NEK9: variants seen among roughly 807,000 people sequenced by gnomAD.
The protein encoded by NEK9 is NIMA related kinase 9, also known as serine/threonine-protein kinase Nek9.
In NEK9, 75 loss-of-function variants were observed where a neutral mutation model predicts 123.4. The observed-to-expected ratio is 0.61, with a 90% confidence interval of 0.50 to 0.74. The LOEUF (loss-of-function observed/expected upper bound fraction) is 0.74, where lower values mean the gene tolerates loss of function less well. Among genes scored for constraint, NEK9 ranks in the 30% least tolerant of loss-of-function variants. The pLI is 0.00. For synonymous variants in NEK9, 438 were observed against 458.7 expected (o/e 0.95, Z 0.58); for missense variants, 952 against 1,214.4 (o/e 0.78, Z 3.21).
intron 16 of NEK9, among the ~76,000 whole-genome samples, chr14:75,097,741 G>A (rs769021862): frequency 6.6e-6 from 1 of 152,164 alleles, no homozygotes; most frequent in African/African-American, 2.4e-5. Context: ...GTAACAGTGG[G>A]GTGGGATATC....
In NEK9 at chr14:75,101,835, G is replaced by GAA. The variant is rs796884005; in HGVS notation, c.1732-72_1732-71dup. On this transcript the variant is annotated intron_variant, in intron 14 of 21. Coordinates refer to ENST00000238616, the MANE Select transcript of NEK9 (RefSeq NM_033116.6). ...TCGAAGGAAAATCAGGCTGAGAATG[G>GAA]AAAAAAGTCCTGGTGACCAAAAGGC... 1.9e-4 allele frequency: 219 copies of GAA among 1,166,736 alleles called. No individual in the cohort carries two copies. In the African/African-American group the frequency reaches 3.1e-3, roughly 16 times the overall value. 72.3% of individuals were successfully genotyped at this position (1,166,736 alleles called of 1,614,324 possible).
intron 13 of NEK9, among the ~76,000 whole-genome samples, chr14:75,104,628 G>A (rs1184392641): frequency 1.3e-5 from 2 of 151,762 alleles, no homozygotes; most frequent in Admixed American, 6.6e-5. Flanking sequence ...GATTAAAGGC[G>A]TGTGCCACCA....
intron 21 of NEK9, 84 bp from the exon 22 acceptor site, chr14:75,084,770 C>T (rs1893969488): frequency 3.2e-6 from 5 of 1,554,880 alleles, no homozygotes; most frequent in South Asian, 1.1e-5. Context: ...TCAATGCCAA[C>T]TTCTAAGGCA....
At chr14:75,115,408 C>T (rs992520864) in intron 6 of NEK9, among the ~76,000 whole-genome samples, 7 of 152,160 alleles carry the variant, frequency 4.6e-5, no homozygotes, top group East Asian at 1.9e-4. Flanking sequence ...TGAGCCACCG[C>T]GCCCAGCCTC....
chr14:75,109,619 G>C (rs1894892002), intron 10 of NEK9, 66 bp downstream of exon 10: 1 of 1,429,026 alleles, frequency 7.0e-7, no homozygotes. Context: ...AAAATGCTTA[G>C]ACATCGTGGG....
intron 14 of NEK9, 82 bp from the exon 15 acceptor site, chr14:75,101,847 G>T: frequency 9.9e-7 from 1 of 1,010,882 alleles, no homozygotes; most frequent in Non-Finnish European, 1.5e-6. Flanking sequence ...AAAAAGTCCT[G>T]GTGACCAAAA....
chr14:75,117,079 G>C, intron 6 of NEK9, 116 bp downstream of exon 6: 1 of 1,215,338 alleles, frequency 8.2e-7, no homozygotes, highest in Middle Eastern at 2.0e-4. Flanking sequence ...TCTTGTACCT[G>C]AATACAGGTT....
chr14:75,110,182 ACTGT>A (rs1894914122), intron 9 of NEK9, 135 bp downstream of exon 9: 1 of 670,664 alleles, frequency 1.5e-6, no homozygotes, highest in South Asian at 1.9e-5. Context: ...CTTAGAAATG[ACTGT>A]CTGACATTTA....
chr14:75,091,546 C>T, intron 18 of NEK9, 68 bp from the exon 19 acceptor site: 2 of 1,319,590 alleles, frequency 1.5e-6, no homozygotes, highest in South Asian at 1.7e-5. Context: ...CATTTGACAA[C>T]CCTACTTACC....
chr14:75,122,232 G>T (rs1218817836), intron 2 of NEK9, among the ~76,000 whole-genome samples: 2 of 151,710 alleles, frequency 1.3e-5, no homozygotes, highest in Non-Finnish European at 2.9e-5. Flanking sequence ...AACCACAAAA[G>T]AAGTTAACTA....
intron 12 of NEK9, 24 bp downstream of exon 12, chr14:75,106,478 G>A (rs1295156572): frequency 6.2e-7 from 1 of 1,612,734 alleles, no homozygotes; most frequent in Non-Finnish European, 8.5e-7. Context: ...GTGAAGAAGT[G>A]GACAGAGACA....
chr14:75,099,699 T>C (rs1206848364), intron 16 of NEK9, among the ~76,000 whole-genome samples: 2 of 150,992 alleles, frequency 1.3e-5, no homozygotes, highest in Non-Finnish European at 3.0e-5. Flanking sequence ...GGAGAATCGC[T>C]TGAACCTGGG....
intron 10 of NEK9, among the ~76,000 whole-genome samples, chr14:75,108,514 CGTGTGTGTGTGTGTGT>C (rs35358755): frequency 0.41 from 60,762 of 147,826 alleles, 12,836 homozygotes; most frequent in Middle Eastern, 0.51. Flanking sequence ...TGTGCGTGTG[CGTGTGTGTGTGTGTGT>C]GTGTGTGTGT....
chr14:75,126,935 G>A lies in NEK9; in HGVS notation c.-14C>T. 3 of 1,452,426 alleles carry A rather than the reference G, an allele frequency of 2.1e-6. No homozygotes were observed. The highest frequency in any genetic ancestry group is 2.7e-6 in the Non-Finnish European group (3 of 1,096,084). 90.0% of individuals were successfully genotyped at this position (1,452,426 alleles called of 1,614,324 possible). On this transcript the variant is annotated 5_prime_UTR_variant, in exon 1 of 22. Transcript: ENST00000238616. Reference sequence around the variant, plus strand: ...CAGCACCGACATGGCGGCGGCCGCGGGCCTTGGGGACCAGCCTGCGTATGC... The same window carrying A: ...CAGCACCGACATGGCGGCGGCCGCGAGCCTTGGGGACCAGCCTGCGTATGC...
Position 75,106,679 on chromosome 14 carries a change from C to T in NEK9, c.1351G>A (p.Gly451Arg), listed in dbSNP as rs771441417. 22 of 1,613,612 alleles carry T rather than the reference C, an allele frequency of 1.4e-5. No homozygotes were observed. The highest frequency in any genetic ancestry group is 2.2e-5 in the East Asian group (1 of 44,896). Residue 451 changes from glycine to arginine, a missense_variant, in exon 12 of 22, where the codon GGA becomes AGA. By Grantham distance (125) the Gly-to-Arg change is moderately radical (BLOSUM62 -2). Transcript: ENST00000238616. ...CCCATGCAGCCATAATAATCTGATC[C>T]GAAGGCATAGAGCTGACCCTCATCT... Reference protein sequence around the residue: ...VTDEGQLYAFGSDYYGCMGVD... With the variant: ...VTDEGQLYAFRSDYYGCMGVD...
intron 3 of NEK9, 160 bp from the exon 4 acceptor site, chr14:75,120,740 T>C (rs1895302434): frequency 1.6e-6 from 1 of 615,256 alleles, no homozygotes; most frequent in South Asian, 2.1e-5. Flanking sequence ...CAAAGAAAAG[T>C]GAAGGGGTAA....
intron 12 of NEK9, 33 bp downstream of exon 12, chr14:75,106,469 T>C (rs1327198568): frequency 1.2e-6 from 2 of 1,610,744 alleles, no homozygotes; most frequent in African/African-American, 1.3e-5. Context: ...TGTATACCTG[T>C]GAAGAAGTGG....
chr14:75,080,900 G>A lies in NEK9; in HGVS notation c.*3664C>T. 6.6e-6 allele frequency: 1 copy of A among 151,680 alleles called. No individual in the cohort carries two copies. 9.4% of individuals were successfully genotyped at this position (151,680 alleles called of 1,614,324 possible). ...GCCCACCTCGGCCTCCCAAAGTGCT[G>A]GGATTACAGGCGTGAGCCACCGCGC... On this transcript the variant is annotated 3_prime_UTR_variant, in exon 22 of 22. Coordinates refer to ENST00000238616, the MANE Select transcript of NEK9 (RefSeq NM_033116.6).
chr14:75,087,612 A>G (rs1334711031), intron 20 of NEK9, among the ~76,000 whole-genome samples: 1 of 152,262 alleles, frequency 6.6e-6, no homozygotes, highest in African/African-American at 2.4e-5. Context: ...CATGATATGC[A>G]GTGAATCACA....
Sources: allele counts gnomAD v4.1 joint callset (sites outside exome capture counted in the v4.1 genomes callset), GRCh38; gene constraint gnomAD v4.1.1; transcripts MANE v1.5; gene names NCBI Gene and HGNC (gene_info 2026-07-23, HGNC 2026-07-21).